The following MAPDA variants were observed in gnomAD, a reference collection of about 807,000 sequenced individuals.
MAPDA encodes N6,N6-dimethyl-AMP deaminase.
At chr15:43,349,212 G>A in the MAPDA span, 1 of 1,418,182 alleles carries the variant, frequency 7.1e-7, no homozygotes, top group African/African-American at 1.4e-5. Flanking sequence ...GAAAGCTTTA[G>A]CTTCCATTAG....
the MAPDA span, chr15:43,353,651 T>C: frequency 1.3e-5 from 2 of 152,234 alleles, no homozygotes; most frequent in Non-Finnish European, 2.9e-5. Context: ...GGAGAAGGGC[T>C]GAAGGTTAAG....
the MAPDA span, among the ~76,000 whole-genome samples, chr15:43,338,858 A>G: frequency 6.6e-6 from 1 of 152,150 alleles, no homozygotes; most frequent in African/African-American, 2.4e-5. Flanking sequence ...TTCTTGCTCC[A>G]TACTTGTTAG....
chr15:43,350,908 T>C, the MAPDA span: 1 of 1,515,970 alleles, frequency 6.6e-7, no homozygotes. Context: ...TTATTTGCTT[T>C]TAATAAGAGG....
At chr15:43,335,073 T>A in the MAPDA span, 1 of 1,604,182 alleles carries the variant, frequency 6.2e-7, no homozygotes, top group Admixed American at 1.7e-5. Flanking sequence ...ATACTAAGAA[T>A]AAGAGTGGAG....
At chr15:43,349,251 T>G in the MAPDA span, 1 of 1,289,046 alleles carries the variant, frequency 7.8e-7, no homozygotes. Context: ...GCAGGGCCCC[T>G]GCTTGTCTTA....
At chr15:43,346,938 G>T in the MAPDA span, 2 of 1,096,882 alleles carry the variant, frequency 1.8e-6, no homozygotes, top group Non-Finnish European at 2.8e-6. Flanking sequence ...CCATTATGTT[G>T]TTTATTGGAA....
At chr15:43,338,816 C>T in the MAPDA span, among the ~76,000 whole-genome samples, 2 of 152,284 alleles carry the variant, frequency 1.3e-5, no homozygotes, top group Non-Finnish European at 2.9e-5. Context: ...CTGTAGGCTT[C>T]ACTGTGGCCT....
the MAPDA span, among the ~76,000 whole-genome samples, chr15:43,346,169 A>C: frequency 6.6e-6 from 1 of 152,178 alleles, no homozygotes; most frequent in Admixed American, 6.5e-5. Flanking sequence ...TCTGTGAAAC[A>C]ATTAAGTACC....
the MAPDA span, chr15:43,330,379 A>C: frequency 3.8e-6 from 6 of 1,573,308 alleles, no homozygotes; most frequent in South Asian, 1.1e-5. Context: ...GCAACGCGGC[A>C]AAGGGGTCCT....
chr15:43,334,309 ATATTT>A, the MAPDA span, among the ~76,000 whole-genome samples: 1 of 152,096 alleles, frequency 6.6e-6, no homozygotes, highest in Non-Finnish European at 1.5e-5. Flanking sequence ...CTTCTTTTAT[ATATTT>A]TAAACAATTC....
At chr15:43,343,096 T>C in the MAPDA span, 1 of 1,486,462 alleles carries the variant, frequency 6.7e-7, no homozygotes, top group Non-Finnish European at 9.1e-7. Flanking sequence ...TGTACCTTAG[T>C]AGTTAACATT....
At chr15:43,346,341 T>G in the MAPDA span, among the ~76,000 whole-genome samples, 1 of 152,194 alleles carries the variant, frequency 6.6e-6, no homozygotes, top group South Asian at 2.1e-4. Context: ...CATAGATAGT[T>G]GAGAAATGTT....
the MAPDA span, chr15:43,351,893 C>G: frequency 1.2e-5 from 18 of 1,551,552 alleles, no homozygotes; most frequent in South Asian, 2.0e-4. Context: ...AGCACCAGAT[C>G]TGAACTGAGG....
chr15:43,333,926 G>A, the MAPDA span, among the ~76,000 whole-genome samples: 3 of 152,200 alleles, frequency 2.0e-5, no homozygotes, highest in Non-Finnish European at 4.4e-5. Context: ...CAGAAGTGAA[G>A]GGAAATTATG....
At chr15:43,340,382 TGTCCTTTTCC>T in the MAPDA span, 1 of 1,574,956 alleles carries the variant, frequency 6.3e-7, no homozygotes, top group Non-Finnish European at 8.7e-7. Flanking sequence ...GCAAATGTAC[TGTCCTTTTCC>T]TATGTGCTTT....
the MAPDA span, chr15:43,351,052 C>A: frequency 1.9e-6 from 3 of 1,549,676 alleles, no homozygotes; most frequent in Non-Finnish European, 2.6e-6. Flanking sequence ...GTAAGGTGTT[C>A]CGTGTGAAGT....
At chr15:43,334,989 ATG>A in the MAPDA span, 1 of 900,834 alleles carries the variant, frequency 1.1e-6, no homozygotes, top group Non-Finnish European at 1.7e-6. Context: ...TCTTACCAAA[ATG>A]TGTGGAAGTA....
At chr15:43,351,651 G>A in the MAPDA span, 2 of 1,152,096 alleles carry the variant, frequency 1.7e-6, no homozygotes, top group Non-Finnish European at 2.4e-6. Flanking sequence ...ACTCTTGAAA[G>A]AAGCATAGTA....
chr15:43,336,380 T>C, the MAPDA span, among the ~76,000 whole-genome samples: 2 of 152,172 alleles, frequency 1.3e-5, no homozygotes, highest in Non-Finnish European at 2.9e-5. Context: ...ATAGGCATAT[T>C]GAATTTCCCC....
Sources: allele counts gnomAD v4.1 joint callset (sites outside exome capture counted in the v4.1 genomes callset), GRCh38; gene constraint gnomAD v4.1.1; transcripts MANE v1.5; gene names NCBI Gene and HGNC (gene_info 2026-07-23, HGNC 2026-07-21).